SLC35F1: variants seen among roughly 807,000 people sequenced by gnomAD.
SLC35F1 encodes the protein chromosome 6 open reading frame 169.
SLC35F1 carries 14 observed loss-of-function variants against 48.7 expected under a neutral mutation model. The observed-to-expected ratio is 0.29, with a 90% CI of 0.19 to 0.45. The LOEUF is 0.45. SLC35F1 is among the 20% of genes least tolerant of loss of function. The probability of loss-of-function intolerance (pLI) is 1.00; values close to 1 mark genes in which losing one functional copy is unlikely to be tolerated. For missense variants in SLC35F1, 404 were observed against 500.0 expected (o/e 0.81, Z 1.83); for synonymous variants, 190 against 202.2 (o/e 0.94, Z 0.51).
intron 2 of SLC35F1, among the ~76,000 whole-genome samples, chr6:118,229,076 G>T (rs1168786906): frequency 6.6e-6 from 1 of 151,786 alleles, no homozygotes; most frequent in African/African-American, 2.4e-5. Context: ...CATTGGCTTG[G>T]ATGTGGACTG....
chr6:117,958,051 G>C (rs967423871), intron 1 of SLC35F1, among the ~76,000 whole-genome samples: 1 of 152,184 alleles, frequency 6.6e-6, no homozygotes, highest in Non-Finnish European at 1.5e-5. Context: ...ACAAGATGTG[G>C]AGTGGAAGAC....
chr6:118,174,767 CA>C (rs1398215641), intron 2 of SLC35F1, among the ~76,000 whole-genome samples: 2 of 150,634 alleles, frequency 1.3e-5, no homozygotes, highest in African/African-American at 4.9e-5. Context: ...TTCTAAAAAA[CA>C]AAAAGAAAAA....
chr6:117,924,385 A>G (rs1291425454), intron 1 of SLC35F1, among the ~76,000 whole-genome samples: 2 of 145,696 alleles, frequency 1.4e-5, no homozygotes, highest in African/African-American at 2.6e-5. Context: ...ATGCATATGT[A>G]TATACACACA....
chr6:118,240,827 G>A lies in SLC35F1; in HGVS notation c.477+5191G>A, dbSNP rs553801788. ...TGGACCATGGCAAGGATGAGGTTCC[G>A]AGCAGGGTCGTGTCTGGGCAAGGAC... On this transcript the variant is annotated intron_variant, in intron 3 of 7. Transcript: ENST00000360388. Among the ~76,000 whole-genome samples the A allele has an allele frequency of 3.0e-4, 45 of 152,278 alleles. No homozygotes were observed. The South Asian group carries it at 8.3e-3, about 28-fold the overall frequency.
At chr6:118,211,620 C>A (rs956441423) in intron 2 of SLC35F1, among the ~76,000 whole-genome samples, 1 of 152,188 alleles carries the variant, frequency 6.6e-6, no homozygotes, top group African/African-American at 2.4e-5. Context: ...TATGGACATA[C>A]CCTTGAGGAG....
At chr6:118,288,085 G>A (rs1582771577) in intron 7 of SLC35F1, among the ~76,000 whole-genome samples, 1 of 151,282 alleles carries the variant, frequency 6.6e-6, no homozygotes, top group East Asian at 1.9e-4. Flanking sequence ...TCTTAAAGCA[G>A]GGATTGATCC....
At chr6:118,214,444 C>CA (rs1289827268) in intron 2 of SLC35F1, among the ~76,000 whole-genome samples, 15 of 152,124 alleles carry the variant, frequency 9.9e-5, no homozygotes, top group African/African-American at 3.6e-4. Context: ...ATTCCCTTCT[C>CA]AAAAAAATGA....
intron 1 of SLC35F1, among the ~76,000 whole-genome samples, chr6:118,126,513 T>C (rs1773626839): frequency 6.6e-6 from 1 of 151,900 alleles, no homozygotes. Flanking sequence ...TCCAATTCTG[T>C]GAAGAAAGCC....
At chr6:118,125,698 C>T (rs1773614643) in intron 1 of SLC35F1, among the ~76,000 whole-genome samples, 1 of 152,174 alleles carries the variant, frequency 6.6e-6, no homozygotes, top group Non-Finnish European at 1.5e-5. Flanking sequence ...CTGGTTCTAT[C>T]TTAACATGTT....
At chr6:118,283,073 G>T (rs1311328398) in intron 6 of SLC35F1, among the ~76,000 whole-genome samples, 2 of 152,166 alleles carry the variant, frequency 1.3e-5, no homozygotes, top group Non-Finnish European at 2.9e-5. Context: ...AGACCTGCAA[G>T]GTCTGGCATA....
At chr6:118,079,067 A>G (rs750487057) in intron 1 of SLC35F1, among the ~76,000 whole-genome samples, 3 of 152,164 alleles carry the variant, frequency 2.0e-5, no homozygotes, top group Non-Finnish European at 2.9e-5. Flanking sequence ...TTTGTATACA[A>G]TTTTTTTGTG....
chr6:117,922,724 C>T (rs1775915406), intron 1 of SLC35F1, among the ~76,000 whole-genome samples: 1 of 152,162 alleles, frequency 6.6e-6, no homozygotes, highest in African/African-American at 2.4e-5. Flanking sequence ...GTGCTACATG[C>T]TTGTAGCTTG....
chr6:118,090,752 T>C (rs1334288816), intron 1 of SLC35F1, among the ~76,000 whole-genome samples: 2 of 152,176 alleles, frequency 1.3e-5, no homozygotes, highest in African/African-American at 4.8e-5. Flanking sequence ...AGTGGAGGTT[T>C]CAAACCAAGT....
chr6:118,095,599 C>G (rs909244303), intron 1 of SLC35F1, among the ~76,000 whole-genome samples: 2 of 152,034 alleles, frequency 1.3e-5, no homozygotes, highest in Non-Finnish European at 2.9e-5. Context: ...GTACTCATTA[C>G]CTAATGTGCC....
At chr6:118,094,942 T>C (rs1326235046) in intron 1 of SLC35F1, among the ~76,000 whole-genome samples, 1 of 149,278 alleles carries the variant, frequency 6.7e-6, no homozygotes, top group East Asian at 2.0e-4. Context: ...CAGTCCAGCC[T>C]GGGTGACAGA....
intron 1 of SLC35F1, among the ~76,000 whole-genome samples, chr6:117,967,783 C>A (rs1473012734): frequency 6.6e-6 from 1 of 152,084 alleles, no homozygotes; most frequent in African/African-American, 2.4e-5. Context: ...GGTGAGTTAC[C>A]CAAAGGACAT....
At chr6:118,155,204 G>T (rs1774121188) in intron 2 of SLC35F1, among the ~76,000 whole-genome samples, 1 of 152,206 alleles carries the variant, frequency 6.6e-6, no homozygotes, top group African/African-American at 2.4e-5. Flanking sequence ...TTAAGGGGCA[G>T]TTGCAGTTGA....
intron 1 of SLC35F1, among the ~76,000 whole-genome samples, chr6:118,032,836 A>AT (rs976015318): frequency 2.0e-5 from 3 of 151,864 alleles, no homozygotes; most frequent in African/African-American, 7.3e-5. Context: ...ATTAACCTGG[A>AT]TTTTTTTTCT....
chr6:118,105,592 T>C (rs1414576157), intron 1 of SLC35F1, among the ~76,000 whole-genome samples: 3 of 152,226 alleles, frequency 2.0e-5, no homozygotes, highest in Non-Finnish European at 4.4e-5. Flanking sequence ...CCAGGCATTT[T>C]TTAATAGCAT....
Sources: gnomAD v4.1 joint callset for allele counts (sites outside exome capture counted in the v4.1 genomes callset) on GRCh38, gnomAD v4.1.1 for gene constraint, MANE v1.5 for transcripts, NCBI Gene and HGNC (gene_info 2026-07-23, HGNC 2026-07-21) for gene names.